SCAI: variants seen among roughly 807,000 people sequenced by gnomAD.
SCAI encodes protein SCAI.
Under a neutral mutation model 92.2 loss-of-function variants are expected in SCAI, and 24 were observed. The observed-to-expected ratio is 0.26, with a 90% CI of 0.19 to 0.37. SCAI has a LOEUF of 0.37. Among genes scored for constraint, SCAI ranks in the 10% least tolerant of loss-of-function variants. SCAI has a pLI of 1.00. For synonymous variants in SCAI, 261 were observed against 258.6 expected (o/e 1.01, Z -0.09); for missense variants, 450 against 736.2 (o/e 0.61, Z 4.50).
At chr9:125,078,235 G>A (rs1361887829) in intron 2 of SCAI, among the ~76,000 whole-genome samples, 1 of 151,894 alleles carries the variant, frequency 6.6e-6, no homozygotes, top group Non-Finnish European at 1.5e-5. Context: ...ACAAAAAAAA[G>A]TCAACATTAG....
intron 9 of SCAI, among the ~76,000 whole-genome samples, chr9:125,007,732 A>C (rs1331309509): frequency 6.6e-6 from 1 of 151,790 alleles, no homozygotes; most frequent in Non-Finnish European, 1.5e-5. Context: ...ATCATGGCTC[A>C]CTGCAGCCTT....
chr9:124,943,495 T>C lies in SCAI; in HGVS notation c.*9312A>G, dbSNP rs758170651. ...GATAAGAATTGTTACATGAAAAATA[T>C]TGTGCTTCAGTCTCTTGAGGAGAGC... On this transcript the variant is annotated 3_prime_UTR_variant, in exon 18 of 18. Coordinates refer to ENST00000336505, the MANE Select transcript of SCAI (RefSeq NM_001144877.3). 2 of 152,222 alleles carry C rather than the reference T, an allele frequency of 1.3e-5. No homozygotes were observed. The highest frequency in any genetic ancestry group is 2.4e-5 in the African/African-American group (1 of 41,478). The allele number at this position is 152,222 out of a possible 1,614,324, so 9.4% of individuals were successfully genotyped here.
intron 2 of SCAI, among the ~76,000 whole-genome samples, chr9:125,085,479 C>T (rs1037650705): frequency 1.3e-5 from 2 of 151,790 alleles, no homozygotes; most frequent in African/African-American, 4.8e-5. Flanking sequence ...CACAGCAAGG[C>T]TCTGTCTCAA....
intron 14 of SCAI, among the ~76,000 whole-genome samples, chr9:124,988,494 A>C (rs1240181609): frequency 6.6e-6 from 1 of 152,180 alleles, no homozygotes; most frequent in Non-Finnish European, 1.5e-5. Flanking sequence ...ATTTAAAAAA[A>C]CCCAAAATAA....
intron 3 of SCAI, among the ~76,000 whole-genome samples, chr9:125,040,394 T>G (rs1266331979): frequency 1.3e-5 from 2 of 152,204 alleles, no homozygotes; most frequent in African/African-American, 4.8e-5. Flanking sequence ...GATTTCTTTC[T>G]CTGTGCACAT....
At chr9:125,069,041 C>T (rs1187007887) in intron 2 of SCAI, among the ~76,000 whole-genome samples, 1 of 151,694 alleles carries the variant, frequency 6.6e-6, no homozygotes, top group Admixed American at 6.6e-5. Flanking sequence ...CATGGTGAAA[C>T]TCCTGTCTCT....
chr9:125,000,009 G>C lies in SCAI; in HGVS notation c.1145-19C>G, dbSNP rs1188124116. Reference sequence around the variant, plus strand: ...TAAGGACCTATAAAAACAAAGGGAAGAATCCTAGACTTCAGTTGAAGACTA... The same window carrying C: ...TAAGGACCTATAAAAACAAAGGGAACAATCCTAGACTTCAGTTGAAGACTA... On this transcript the variant is annotated intron_variant, in intron 12 of 17. Transcript: ENST00000336505. 1 of 1,269,928 alleles carries C rather than the reference G, an allele frequency of 7.9e-7. No homozygotes were observed. The highest frequency in any genetic ancestry group is 2.1e-5 in the Admixed American group (1 of 48,702). 78.7% of individuals were successfully genotyped at this position (1,269,928 alleles called of 1,614,324 possible).
chr9:124,961,593 T>G (rs1480521140), intron 17 of SCAI, among the ~76,000 whole-genome samples: 1 of 146,992 alleles, frequency 6.8e-6, no homozygotes, highest in Non-Finnish European at 1.5e-5. Flanking sequence ...GAAGTTGCAG[T>G]GAGCAGTGAT....
At chr9:124,982,718 G>T (rs1231722462) in intron 14 of SCAI, among the ~76,000 whole-genome samples, 1 of 149,192 alleles carries the variant, frequency 6.7e-6, no homozygotes, top group Non-Finnish European at 1.5e-5. Context: ...GGTAAACCCA[G>T]AAGGGCTAGA....
intron 2 of SCAI, among the ~76,000 whole-genome samples, chr9:125,102,586 T>C (rs1834699400): frequency 6.8e-6 from 1 of 147,686 alleles, no homozygotes; most frequent in Non-Finnish European, 1.5e-5. Flanking sequence ...CTTACCAAAA[T>C]GAAACAAACA....
At chr9:125,033,181 C>A (rs1034473451) in intron 3 of SCAI, among the ~76,000 whole-genome samples, 1 of 150,752 alleles carries the variant, frequency 6.6e-6, no homozygotes, top group African/African-American at 2.4e-5. Context: ...CTGGGCAACA[C>A]AGCAAGACTC....
intron 2 of SCAI, among the ~76,000 whole-genome samples, chr9:125,122,331 C>G (rs983605635): frequency 1.3e-5 from 2 of 152,050 alleles, no homozygotes; most frequent in Non-Finnish European, 2.9e-5. Flanking sequence ...TGGCTCATGC[C>G]TATGATCCCA....
chr9:125,042,867 T>G (rs1833354923), intron 3 of SCAI, among the ~76,000 whole-genome samples: 1 of 117,902 alleles, frequency 8.5e-6, no homozygotes, highest in South Asian at 3.1e-4. Flanking sequence ...GCTTTTTTTT[T>G]TTTTTTTTTT....
At chr9:124,986,958 G>T (rs915621208) in intron 14 of SCAI, among the ~76,000 whole-genome samples, 6 of 152,204 alleles carry the variant, frequency 3.9e-5, no homozygotes, top group African/African-American at 1.4e-4. Context: ...AGCTAGCTCT[G>T]TCATAAATAC....
At chr9:125,030,271 G>A (rs541385837) in intron 3 of SCAI, among the ~76,000 whole-genome samples, 10 of 152,292 alleles carry the variant, frequency 6.6e-5, no homozygotes, top group Non-Finnish European at 8.8e-5. Flanking sequence ...GGGCCTGGCC[G>A]TATTAACTTC....
chr9:124,982,550 T>C (rs999254721), intron 14 of SCAI, among the ~76,000 whole-genome samples: 6 of 151,778 alleles, frequency 4.0e-5, no homozygotes, highest in African/African-American at 1.2e-4. Context: ...TATGGTAACA[T>C]GCACCTGTAA....
At chr9:125,005,097 T>A (rs181979587) in intron 9 of SCAI, among the ~76,000 whole-genome samples, 9 of 151,730 alleles carry the variant, frequency 5.9e-5, no homozygotes, top group African/African-American at 2.2e-4. Context: ...CTATGATCCA[T>A]ATTTTATAGT....
intron 7 of SCAI, 122 bp from the exon 8 acceptor site, chr9:125,019,327 G>A: frequency 6.9e-6 from 4 of 576,846 alleles, no homozygotes; most frequent in South Asian, 5.1e-5. Context: ...GCAATACACA[G>A]TCCTGATTAT....
Position 124,948,671 on chromosome 9 carries a change from AAG to A in SCAI, c.*4134_*4135del, listed in dbSNP as rs778432711. On this transcript the variant is annotated 3_prime_UTR_variant, in exon 18 of 18. Transcript: ENST00000336505. ...AACTTCAGAAATATACAGATAAAGAAAGAGAAAATTCCACTGTGCTTCATTTT... is the reference window on the plus strand; with the variant it reads ...AACTTCAGAAATATACAGATAAAGAAAGAAAATTCCACTGTGCTTCATTTT... The A allele has an allele frequency of 6.6e-6, 1 of 152,178 alleles. No individual in the cohort carries two copies. Among genetic ancestry groups the A allele is most frequent in the Non-Finnish European group, 1.5e-5 (1 of 68,028 alleles). The allele number at this position is 152,178 out of a possible 1,614,324, so 9.4% of individuals were successfully genotyped here.
Sources: allele counts gnomAD v4.1 joint callset (sites outside exome capture counted in the v4.1 genomes callset), GRCh38; gene constraint gnomAD v4.1.1; transcripts MANE v1.5; gene names NCBI Gene and HGNC (gene_info 2026-07-23, HGNC 2026-07-21).